The following CSMD2 variants were observed in gnomAD, a reference collection of about 807,000 sequenced individuals.
The protein encoded by CSMD2 is CUB and sushi domain-containing protein 2.
A neutral mutation model predicts 398.5 loss-of-function variants in CSMD2; 130 were observed. That is an observed-to-expected ratio of 0.33 (90% CI 0.28 to 0.38). CSMD2 has a LOEUF of 0.38. Ranked by LOEUF, CSMD2 falls within the 10% of genes least tolerant of loss-of-function variation. CSMD2 has a pLI of 1.00. For missense variants in CSMD2, 3,829 were observed against 4,764.9 expected (o/e 0.80, Z 5.78); for synonymous variants, 1,828 against 1,908.5 (o/e 0.96, Z 1.10).
intron 2 of CSMD2, among the ~76,000 whole-genome samples, chr1:34,070,418 T>C (rs934676612): frequency 6.6e-6 from 1 of 152,178 alleles, no homozygotes; most frequent in Admixed American, 6.5e-5. Flanking sequence ...GGGCACTGGC[T>C]CAGAGCAGGG....
In CSMD2 at chr1:33,527,235, T is replaced by C. The variant is rs773240938; in HGVS notation, c.10195A>G (p.Ile3399Val). The change falls in exon 65 of 71, where the codon ATC becomes GTC. Residue 3399 changes from isoleucine to valine, a missense_variant. Ile to Val is a conservative substitution (Grantham distance 29). Around this residue, in one of 5 missense-constraint regions of CSMD2, gnomAD observed 917 missense variants for 1,199.5 expected, o/e 0.76. Coordinates refer to ENST00000373381, the MANE Select transcript of CSMD2 (RefSeq NM_001281956.2). ...CLEVRPSGRP[I>V]NTAREPPLTQ... is the part of the protein sequence containing the mutation. ...AGCGGTGGCTCCCGGGCAGTGTTGA[T>C]GGGTCTCCCACTGGGCCGGACCTCT... 3 of 1,613,984 alleles carry C rather than the reference T, an allele frequency of 1.9e-6. No homozygotes were observed. The African/African-American group carries it at 4.0e-5, about 22-fold the overall frequency.
chr1:34,103,536 T>C (rs535327059), intron 1 of CSMD2, among the ~76,000 whole-genome samples: 53 of 152,060 alleles, frequency 3.5e-4, no homozygotes, highest in East Asian at 1.2e-3. Flanking sequence ...ACCTTGCGAT[T>C]CGCCCACCTC....
chr1:34,015,687 G>A (rs575146665), intron 3 of CSMD2, among the ~76,000 whole-genome samples: 1 of 152,266 alleles, frequency 6.6e-6, no homozygotes, highest in African/African-American at 2.4e-5. Flanking sequence ...TGAGAGGCAG[G>A]GCCTAGACCA....
chr1:34,087,982 G>GCCCC (rs906317817), intron 2 of CSMD2, among the ~76,000 whole-genome samples: 1 of 151,890 alleles, frequency 6.6e-6, no homozygotes, highest in African/African-American at 2.4e-5. Context: ...GGCCCCAGAT[G>GCCCC]CCCCCCCGCC....
chr1:33,763,269 T>C (rs1162784485), intron 13 of CSMD2, among the ~76,000 whole-genome samples: 1 of 152,042 alleles, frequency 6.6e-6, no homozygotes, highest in African/African-American at 2.4e-5. Context: ...CACAAAACTT[T>C]CCCCAAGCAA....
intron 21 of CSMD2, among the ~76,000 whole-genome samples, chr1:33,710,630 G>C (rs1645952953): frequency 6.6e-6 from 1 of 152,132 alleles, no homozygotes; most frequent in Non-Finnish European, 1.5e-5. Context: ...TTCAGTCCAG[G>C]CACAGTCTGT....
At chr1:33,836,076 C>A (rs571349234) in intron 6 of CSMD2, among the ~76,000 whole-genome samples, 56 of 152,368 alleles carry the variant, frequency 3.7e-4, no homozygotes, top group East Asian at 2.3e-3. Flanking sequence ...AGTTTTCCTT[C>A]TAACAGTCAG....
At chr1:33,720,057 A>G (rs1211262407) in intron 19 of CSMD2, among the ~76,000 whole-genome samples, 3 of 152,210 alleles carry the variant, frequency 2.0e-5, no homozygotes, top group East Asian at 1.9e-4. Context: ...CCTGAGCCAT[A>G]CTGCTGCCTC....
At chr1:33,569,238 T>C (rs942908179) in intron 52 of CSMD2, 136 bp downstream of exon 52, 6 of 875,442 alleles carry the variant, frequency 6.9e-6, no homozygotes, top group Admixed American at 3.2e-5. Flanking sequence ...TGATGGCCAA[T>C]AGTTGGTGTT....
intron 55 of CSMD2, among the ~76,000 whole-genome samples, chr1:33,556,242 C>T (rs1657960553): frequency 6.6e-6 from 1 of 152,182 alleles, no homozygotes; most frequent in Non-Finnish European, 1.5e-5. Context: ...GCTGGCACCA[C>T]TGTACACAGG....
chr1:33,845,254 C>T (rs1230825904), intron 6 of CSMD2, among the ~76,000 whole-genome samples: 1 of 152,204 alleles, frequency 6.6e-6, no homozygotes, highest in African/African-American at 2.4e-5. Flanking sequence ...GGGCTAGTTA[C>T]AACCTCTCTG....
chr1:33,865,443 C>T (rs1639958442), intron 5 of CSMD2, among the ~76,000 whole-genome samples: 1 of 150,562 alleles, frequency 6.6e-6, no homozygotes, highest in African/African-American at 2.4e-5. Context: ...CCAGATCAAT[C>T]GTTTTTCAGT....
At chr1:33,674,747 T>C (rs1012664716) in intron 25 of CSMD2, among the ~76,000 whole-genome samples, 40 of 152,148 alleles carry the variant, frequency 2.6e-4, no homozygotes, top group African/African-American at 8.9e-4. Context: ...ACAGAAATTA[T>C]AACAAACTAT....
intron 44 of CSMD2, among the ~76,000 whole-genome samples, chr1:33,590,465 G>A (rs549561887): frequency 6.6e-6 from 1 of 151,524 alleles, no homozygotes; most frequent in Non-Finnish European, 1.5e-5. Context: ...TGTTTAATGC[G>A]GGAAGCTCAT....
intron 5 of CSMD2, among the ~76,000 whole-genome samples, chr1:33,901,921 G>A (rs939841500): frequency 6.6e-6 from 1 of 152,038 alleles, no homozygotes; most frequent in Non-Finnish European, 1.5e-5. Flanking sequence ...TTTCATAATG[G>A]GCAGAATCTA....
In CSMD2 at chr1:33,772,521, C is replaced by T. The variant is rs182303173; in HGVS notation, c.1846+48G>A. 7.3e-5 allele frequency: 115 copies of T among 1,566,526 alleles called. 1 individual carries two copies. The highest frequency in any genetic ancestry group is 9.4e-5 in the Non-Finnish European group (108 of 1,147,832). On this transcript the variant is annotated intron_variant, in intron 13 of 70. Transcript: ENST00000373381. ...CCTGGATTAGCTAGGAAACGGGCCC[C>T]TGCCTCTCAGTGAAGACCCTGGCGT...
chr1:33,994,555 T>C (rs1328647338), intron 3 of CSMD2, among the ~76,000 whole-genome samples: 1 of 152,190 alleles, frequency 6.6e-6, no homozygotes, highest in Non-Finnish European at 1.5e-5. Context: ...CTTATTTTTG[T>C]TTTTCATTAT....
chr1:34,013,276 G>T (rs1175506013), intron 3 of CSMD2, among the ~76,000 whole-genome samples: 1 of 152,188 alleles, frequency 6.6e-6, no homozygotes, highest in African/African-American at 2.4e-5. Context: ...GAGCTTCTGT[G>T]CTCTGTGCCA....
intron 5 of CSMD2, among the ~76,000 whole-genome samples, chr1:33,848,560 A>G (rs1638453768): frequency 6.6e-6 from 1 of 152,200 alleles, no homozygotes; most frequent in Non-Finnish European, 1.5e-5. Flanking sequence ...AATGGAAGAC[A>G]TCCAGCATAG....
Sources: gnomAD v4.1 joint callset for allele counts (sites outside exome capture counted in the v4.1 genomes callset) on GRCh38, gnomAD v4.1.1 for gene constraint, gnomAD v4.1.1 regional missense constraint, MANE v1.5 for transcripts, NCBI Gene and HGNC (gene_info 2026-07-23, HGNC 2026-07-21) for gene names.